YPEL2: variants seen among roughly 807,000 people sequenced by gnomAD.
YPEL2 encodes the protein yippee like 2.
Under a neutral mutation model 19.1 loss-of-function variants are expected in YPEL2, and 2 were observed. The observed-to-expected ratio is 0.10, with a 90% CI of 0.04 to 0.33. The LOEUF (loss-of-function observed/expected upper bound fraction) is 0.33, where lower values mean the gene tolerates loss of function less well. Among genes scored for constraint, YPEL2 ranks in the 10% least tolerant of loss-of-function variants. The probability of loss-of-function intolerance (pLI) is 1.00; values close to 1 mark genes in which losing one functional copy is unlikely to be tolerated. For synonymous variants in YPEL2, 52 were observed against 50.0 expected (o/e 1.04, Z -0.17); for missense variants, 66 against 140.7 (o/e 0.47, Z 2.68).
intron 1 of YPEL2, chr17:59,345,429 G>T (rs2047751207): frequency 6.6e-6 from 1 of 152,052 alleles, no homozygotes; most frequent in Admixed American, 6.6e-5. Context: ...ATTTTCCTGT[G>T]GGCCTTGCAC....
intron 2 of YPEL2, among the ~76,000 whole-genome samples, chr17:59,369,776 G>GAGGTCC (rs1221683275): frequency 6.6e-6 from 1 of 152,228 alleles, no homozygotes; most frequent in Non-Finnish European, 1.5e-5. Flanking sequence ...TAGTTCCCTG[G>GAGGTCC]AGGTCCAAAG....
intron 2 of YPEL2, among the ~76,000 whole-genome samples, chr17:59,375,978 A>T (rs1234806568): frequency 6.6e-6 from 1 of 152,138 alleles, no homozygotes; most frequent in Non-Finnish European, 1.5e-5. Flanking sequence ...GAAACTGGGG[A>T]AGTTTAACAG....
rs542791657 is a variant in YPEL2 at position 59,395,527 on chromosome 17, T to A, written c.271-1574T>A. 2.9e-4 allele frequency among the ~76,000 whole-genome samples: 44 copies of A among 152,282 alleles called. 1 individual carries two copies. The South Asian group carries it at 8.5e-3, about 29-fold the overall frequency. On this transcript the variant is annotated intron_variant, in intron 4 of 4. Coordinates refer to ENST00000312655, the MANE Select transcript of YPEL2 (RefSeq NM_001005404.4). ...AAACAAAAGAGCCCTGTTTATTCGC[T>A]GGGAGAGCCCACAGTGCTGTGGGTT... is the stretch of plus-strand genomic sequence containing the variant.
intron 1 of YPEL2, among the ~76,000 whole-genome samples, chr17:59,351,895 CTAGT>C (rs1351909231): frequency 2.2e-4 from 34 of 152,262 alleles, no homozygotes; most frequent in South Asian, 6.2e-4. Context: ...CAGCCTAGTG[CTAGT>C]TAGTTAGTTG....
intron 2 of YPEL2, among the ~76,000 whole-genome samples, chr17:59,384,693 C>T (rs2047971665): frequency 6.6e-6 from 1 of 152,158 alleles, no homozygotes; most frequent in Admixed American, 6.5e-5. Flanking sequence ...TATTTTCTCC[C>T]TGCCCTGGAG....
At chr17:59,335,860 A>AT (rs2047696330) in intron 1 of YPEL2, among the ~76,000 whole-genome samples, 1 of 151,870 alleles carries the variant, frequency 6.6e-6, no homozygotes, top group African/African-American at 2.4e-5. Flanking sequence ...CTTTCTCCAA[A>AT]TTTTTGCGTG....
intron 1 of YPEL2, among the ~76,000 whole-genome samples, chr17:59,341,431 C>A (rs1598025369): frequency 1.3e-5 from 2 of 151,454 alleles, no homozygotes; most frequent in South Asian, 4.2e-4. Context: ...TGCCTGTAAT[C>A]CCAGCATCTC....
chr17:59,372,394 A>G (rs1416474466), intron 2 of YPEL2, among the ~76,000 whole-genome samples: 3 of 152,168 alleles, frequency 2.0e-5, no homozygotes, highest in East Asian at 1.9e-4. Context: ...TCTAGGCCCA[A>G]TCAAAGACTC....
At chr17:59,361,605 T>C (rs146395212) in intron 2 of YPEL2, among the ~76,000 whole-genome samples, 71 of 152,054 alleles carry the variant, frequency 4.7e-4, no homozygotes, top group Admixed American at 1.1e-3. Flanking sequence ...ATTACTCAGA[T>C]AGAGATCTTT....
chr17:59,376,975 A>C (rs905443441), intron 2 of YPEL2, among the ~76,000 whole-genome samples: 4 of 135,138 alleles, frequency 3.0e-5, no homozygotes, highest in African/African-American at 5.9e-5. Flanking sequence ...AAAAAAAAAA[A>C]CAAAGAAAAA....
Position 59,389,357 on chromosome 17 carries a change from T to C in YPEL2, c.162-3T>C. ...CACTCTCTCTTCTTGTGCCTCGACA[T>C]AGAGTTAATGTGGGCTGTGGGCCTG... is the stretch of plus-strand genomic sequence containing the variant. On this transcript the variant is annotated splice_polypyrimidine_tract_variant and splice_region_variant and intron_variant, in intron 3 of 4. Coordinates refer to ENST00000312655, the MANE Select transcript of YPEL2 (RefSeq NM_001005404.4). The C allele has an allele frequency of 6.2e-7, 1 of 1,613,342 alleles. No individual in the cohort carries two copies. The highest frequency in any genetic ancestry group is 2.2e-5 in the East Asian group (1 of 44,880).
intron 2 of YPEL2, among the ~76,000 whole-genome samples, chr17:59,364,149 A>T (rs2047855976): frequency 6.6e-6 from 1 of 152,168 alleles, no homozygotes; most frequent in South Asian, 2.1e-4. Flanking sequence ...AATGTCCTGG[A>T]GTCATAGATG....
intron 2 of YPEL2, chr17:59,356,346 G>C (rs1441300283): frequency 2.6e-5 from 4 of 151,990 alleles, no homozygotes; most frequent in Admixed American, 1.3e-4. Flanking sequence ...TGAAGAAGGG[G>C]ATACAAAGGT....
At chr17:59,392,615 A>G (rs1324103507) in intron 4 of YPEL2, among the ~76,000 whole-genome samples, 1 of 150,978 alleles carries the variant, frequency 6.6e-6, no homozygotes, top group East Asian at 1.9e-4. Context: ...GGTTCAAGCA[A>G]TTCTCCTGCC....
At chr17:59,371,779 A>G (rs1376399480) in intron 2 of YPEL2, among the ~76,000 whole-genome samples, 3 of 152,226 alleles carry the variant, frequency 2.0e-5, no homozygotes, top group African/African-American at 4.8e-5. Flanking sequence ...GCCAGTCAAT[A>G]TCTTTAGTAA....
In YPEL2 at chr17:59,400,660, T is replaced by C. The variant is rs1476202578; in HGVS notation, c.*3470T>C. On this transcript the variant is annotated 3_prime_UTR_variant, in exon 5 of 5. Transcript: ENST00000312655. Reference sequence around the variant, plus strand: ...GAAAAGAAAATAAATAAAACCAAGTTAATTTAGTAGTAACAACTTACAGTG... The same window carrying C: ...GAAAAGAAAATAAATAAAACCAAGTCAATTTAGTAGTAACAACTTACAGTG... The C allele has an allele frequency of 6.6e-6, 1 of 152,574 alleles. No homozygotes were observed. 9.5% of individuals were successfully genotyped at this position (152,574 alleles called of 1,614,324 possible). A position where few individuals can be genotyped will look rare whatever the true frequency, so the allele number is the denominator to read the frequency against.
intron 2 of YPEL2, among the ~76,000 whole-genome samples, chr17:59,356,672 C>T (rs1328544353): frequency 6.6e-6 from 1 of 152,196 alleles, no homozygotes; most frequent in Non-Finnish European, 1.5e-5. Context: ...AACAAAATGC[C>T]ATAGACTAGT....
intron 1 of YPEL2, among the ~76,000 whole-genome samples, chr17:59,342,174 T>C (rs1263766080): frequency 6.6e-6 from 1 of 152,216 alleles, no homozygotes; most frequent in African/African-American, 2.4e-5. Flanking sequence ...CAGAATTGTA[T>C]TGGCAGATTT....
intron 1 of YPEL2, among the ~76,000 whole-genome samples, chr17:59,349,460 G>A (rs1348001986): frequency 2.0e-5 from 3 of 146,560 alleles, no homozygotes; most frequent in African/African-American, 7.6e-5. Flanking sequence ...TCAGCCTCTC[G>A]AGTAGCTGGG....
Sources: allele counts gnomAD v4.1 joint callset (sites outside exome capture counted in the v4.1 genomes callset), GRCh38; gene constraint gnomAD v4.1.1; transcripts MANE v1.5; gene names NCBI Gene and HGNC (gene_info 2026-07-23, HGNC 2026-07-21).